WDR7: variants seen among roughly 807,000 people sequenced by gnomAD.
The protein encoded by WDR7 is WD repeat-containing protein 7.
WDR7 carries 46 observed loss-of-function variants against 169.4 expected under a neutral mutation model. That is an observed-to-expected ratio of 0.27 (90% CI 0.21 to 0.35). The LOEUF (loss-of-function observed/expected upper bound fraction) is 0.35, where lower values mean the gene tolerates loss of function less well. Among genes scored for constraint, WDR7 ranks in the 10% least tolerant of loss-of-function variants. WDR7 has a pLI of 1.00. For missense variants in WDR7, 1,534 were observed against 1,859.3 expected, an observed-to-expected ratio of 0.83 and a Z score of 3.22; for synonymous variants, 612 against 666.8, an observed-to-expected ratio of 0.92 and a Z score of 1.27.
intron 26 of WDR7, among the ~76,000 whole-genome samples, chr18:56,978,495 G>A (rs940383519): frequency 1.3e-5 from 2 of 152,048 alleles, no homozygotes; most frequent in Admixed American, 6.5e-5. Context: ...AGAAGAGAAA[G>A]GTGAGATGCC....
Position 56,909,364 on chromosome 18 carries a change from A to G in WDR7, c.3527-14558A>G, listed in dbSNP as rs190685312. Among the ~76,000 whole-genome samples the G allele has an allele frequency of 2.0e-3, 299 of 152,216 alleles. 1 individual carries two copies. The highest frequency in any genetic ancestry group is 6.8e-3 in the African/African-American group (284 of 41,552). Reference sequence around the variant, plus strand: ...ATTATACTCCCTCCAGTTTTGGAACATTTTGCCATTTTAAAACATGGTTTG... The same window carrying G: ...ATTATACTCCCTCCAGTTTTGGAACGTTTTGCCATTTTAAAACATGGTTTG... On this transcript the variant is annotated intron_variant, in intron 21 of 27. Coordinates refer to ENST00000254442, the MANE Select transcript of WDR7 (RefSeq NM_015285.3).
intron 19 of WDR7, among the ~76,000 whole-genome samples, chr18:56,783,898 A>G (rs1293463015): frequency 2.0e-5 from 3 of 152,218 alleles, no homozygotes; most frequent in Non-Finnish European, 4.4e-5. Flanking sequence ...AAATATAGCC[A>G]CAAATTACTC....
At chr18:56,890,171 A>G (rs537631461) in intron 21 of WDR7, among the ~76,000 whole-genome samples, 10 of 152,330 alleles carry the variant, frequency 6.6e-5, no homozygotes, top group Admixed American at 1.3e-4. Flanking sequence ...TTAAAACAAT[A>G]TAGTTACAGA....
chr18:56,788,003 G>A (rs535836187), intron 19 of WDR7, among the ~76,000 whole-genome samples: 122 of 152,268 alleles, frequency 8.0e-4, no homozygotes, highest in Non-Finnish European at 1.3e-3. Context: ...ACTACACAGC[G>A]TTCTTCCTTC....
At chr18:56,935,746 A>C (rs753736958) in intron 22 of WDR7, 42 bp from the exon 23 acceptor site, 2 of 1,575,398 alleles carry the variant, frequency 1.3e-6, no homozygotes, top group Non-Finnish European at 1.7e-6. Context: ...CATATTTCTA[A>C]TGCTTCTTTT....
chr18:56,709,709 A>C (rs997944070), intron 12 of WDR7, among the ~76,000 whole-genome samples: 2 of 152,178 alleles, frequency 1.3e-5, no homozygotes, highest in Non-Finnish European at 2.9e-5. Flanking sequence ...GTCTATTTCA[A>C]AGTAAGTAGT....
rs2025860243 is a variant in WDR7 at position 56,702,721 on chromosome 18, TA to T, written c.1578+6264del. 4.6e-5 allele frequency among the ~76,000 whole-genome samples: 7 copies of T among 152,312 alleles called. No homozygotes were observed. In the South Asian group the frequency reaches 1.5e-3, roughly 32 times the overall value. On this transcript the variant is annotated intron_variant, in intron 12 of 27. Coordinates refer to ENST00000254442, the MANE Select transcript of WDR7 (RefSeq NM_015285.3). ...TATTTTTGGATACATGTATAGGTAGTAAAAATATTAAAACCGAAGGGAAAGC... is the reference window on the plus strand; with the variant it reads ...TATTTTTGGATACATGTATAGGTAGTAAAATATTAAAACCGAAGGGAAAGC...
At chr18:56,937,994 T>C (rs184050173) in intron 23 of WDR7, among the ~76,000 whole-genome samples, 279 of 152,310 alleles carry the variant, frequency 1.8e-3, no homozygotes, top group African/African-American at 6.2e-3. Context: ...GTCCTATTCA[T>C]TAAGTGAAAG....
intron 20 of WDR7, among the ~76,000 whole-genome samples, chr18:56,837,450 T>C (rs966745800): frequency 6.6e-5 from 10 of 152,342 alleles, no homozygotes; most frequent in Admixed American, 6.5e-4. Flanking sequence ...AATTTGCTAT[T>C]GTAAAATTTT....
chr18:56,766,029 T>G (rs1169215885), intron 16 of WDR7, among the ~76,000 whole-genome samples: 1 of 151,958 alleles, frequency 6.6e-6, no homozygotes, highest in Non-Finnish European at 1.5e-5. Context: ...AAAGCTTTTT[T>G]TTTTTTCTGG....
intron 26 of WDR7, among the ~76,000 whole-genome samples, chr18:56,981,841 G>C (rs919849699): frequency 3.9e-5 from 6 of 152,110 alleles, no homozygotes; most frequent in African/African-American, 1.4e-4. Flanking sequence ...TAAGAGAAGA[G>C]ATAGAAGAGA....
chr18:56,786,112 A>C (rs2044395521), intron 19 of WDR7, among the ~76,000 whole-genome samples: 1 of 152,184 alleles, frequency 6.6e-6, no homozygotes, highest in Admixed American at 6.5e-5. Context: ...CCACTGCCTC[A>C]GAATTCACTT....
intron 22 of WDR7, 23 bp from the exon 23 acceptor site, chr18:56,935,765 C>G (rs1321078572): frequency 2.7e-5 from 44 of 1,605,588 alleles, no homozygotes; most frequent in Non-Finnish European, 3.7e-5. Context: ...TTCTTTTTTT[C>G]CCTTTTTCTG....
At chr18:56,680,001 A>G (rs1309716308) in intron 3 of WDR7, among the ~76,000 whole-genome samples, 1 of 152,188 alleles carries the variant, frequency 6.6e-6, no homozygotes, top group Admixed American at 6.5e-5. Flanking sequence ...TGGTGCTTAG[A>G]AAATTACATA....
At chr18:56,957,662 G>C (rs2047273141) in intron 25 of WDR7, among the ~76,000 whole-genome samples, 1 of 152,084 alleles carries the variant, frequency 6.6e-6, no homozygotes, top group Admixed American at 6.6e-5. Flanking sequence ...GACAGTGCCT[G>C]ATACATAATA....
chr18:56,748,116 CATTT>C (rs1015853319), intron 14 of WDR7, among the ~76,000 whole-genome samples: 1 of 152,124 alleles, frequency 6.6e-6, no homozygotes, highest in African/African-American at 2.4e-5. Context: ...TTGATACATT[CATTT>C]GAGATGAAAT....
chr18:56,722,155 T>C (rs1361102427), intron 13 of WDR7, among the ~76,000 whole-genome samples: 1 of 152,204 alleles, frequency 6.6e-6, no homozygotes, highest in Non-Finnish European at 1.5e-5. Flanking sequence ...ATATAAAACA[T>C]GGCTAACAAA....
At chr18:56,833,460 TAAAGTA>T (rs1273269876) in intron 20 of WDR7, among the ~76,000 whole-genome samples, 1 of 152,112 alleles carries the variant, frequency 6.6e-6, no homozygotes, top group Non-Finnish European at 1.5e-5. Context: ...TCCCAGAACT[TAAAGTA>T]TAATAAAAAA....
chr18:56,871,999 C>A (rs2045959546), intron 20 of WDR7, among the ~76,000 whole-genome samples: 1 of 151,946 alleles, frequency 6.6e-6, no homozygotes, highest in African/African-American at 2.4e-5. Flanking sequence ...AAGCACAGTT[C>A]TGAAAGTATT....
Sources: allele counts gnomAD v4.1 joint callset (sites outside exome capture counted in the v4.1 genomes callset), GRCh38; gene constraint gnomAD v4.1.1; transcripts MANE v1.5; gene names NCBI Gene and HGNC (gene_info 2026-07-23, HGNC 2026-07-21).